The following IL1RAPL2 variants were observed in gnomAD, a reference collection of about 807,000 sequenced individuals.
The protein encoded by IL1RAPL2 is interleukin 1 receptor accessory protein like 2, also known as X-linked interleukin-1 receptor accessory protein-like 2.
Under a neutral mutation model 44.1 loss-of-function variants are expected in IL1RAPL2, and 3 were observed. The ratio of observed to expected loss-of-function variants is 0.07; its 90% CI spans 0.03 to 0.18. IL1RAPL2 has a LOEUF of 0.18. Among genes scored for constraint, IL1RAPL2 ranks in the 10% least tolerant of loss-of-function variants. The probability of loss-of-function intolerance (pLI) is 1.00; values close to 1 mark genes in which losing one functional copy is unlikely to be tolerated. For missense variants in IL1RAPL2, 391 were observed against 496.4 expected (o/e 0.79, Z 2.02); for synonymous variants, 181 against 178.8 (o/e 1.01, Z -0.10).
chrX:105,586,726 G>T (rs1432903261), intron 6 of IL1RAPL2, among the ~76,000 whole-genome samples: 1 of 111,794 alleles, frequency 8.9e-6, no homozygotes, highest in African/African-American at 3.2e-5. Context: ...TTCTTTTTTT[G>T]CTTCATATAG....
chrX:105,146,262 C>T lies in IL1RAPL2; in HGVS notation c.83-49213C>T, dbSNP rs148960141. Among the ~76,000 whole-genome samples the T allele has an allele frequency of 4.7e-3, 529 of 111,678 alleles. 6 individuals are homozygous for T. The highest frequency in any genetic ancestry group is 0.016 in the African/African-American group (484 of 30,771). On this transcript the variant is annotated intron_variant, in intron 2 of 10. Transcript: ENST00000372582. ...CCAGGGGGTTCTATTCCCATTCCTACTGACCTTATGCCATATTCTTCTGGC... is the reference window on the plus strand; with the variant it reads ...CCAGGGGGTTCTATTCCCATTCCTATTGACCTTATGCCATATTCTTCTGGC...
intron 2 of IL1RAPL2, among the ~76,000 whole-genome samples, chrX:104,759,999 A>G (rs925329817): frequency 9.0e-6 from 1 of 111,562 alleles, no homozygotes; most frequent in African/African-American, 3.3e-5. Context: ...GTCCATGAGG[A>G]CAATGGTTTT....
chrX:105,210,604 A>T (rs955881270), intron 3 of IL1RAPL2, among the ~76,000 whole-genome samples: 1 of 111,644 alleles, frequency 9.0e-6, no homozygotes, highest in Non-Finnish European at 1.9e-5. Flanking sequence ...ATAAAAAAGC[A>T]TATGGCCCCA....
rs751080137 is a variant in IL1RAPL2 at position 105,325,399 on chromosome X, ATATAC to A, written c.697+57863_697+57867del. On this transcript the variant is annotated intron_variant, in intron 5 of 10. Transcript: ENST00000372582. The stretch of plus-strand genomic sequence containing the variant: ...ATTGCATTTTTATTGCAAAGTATAG[ATATAC>A]TATATTTTATTTTCCCATTCACCAA... Among the ~76,000 whole-genome samples the A allele has an allele frequency of 1.8e-5, 2 of 109,506 alleles. 1 individual carries two copies. The highest frequency in any genetic ancestry group is 7.7e-4 in the South Asian group (2 of 2,609).
chrX:104,731,427 A>T (rs1253998805), intron 2 of IL1RAPL2, among the ~76,000 whole-genome samples: 1 of 106,516 alleles, frequency 9.4e-6, no homozygotes, highest in Non-Finnish European at 1.9e-5. Context: ...TTTGGGATGG[A>T]GTCTCACTCC....
intron 6 of IL1RAPL2, among the ~76,000 whole-genome samples, chrX:105,574,014 G>C (rs2037033345): frequency 9.0e-6 from 1 of 111,356 alleles, no homozygotes; most frequent in Non-Finnish European, 1.9e-5. Flanking sequence ...TATTGAAAAG[G>C]AGTTGCCCTT....
chrX:105,583,139 G>GTTTGT (rs1556359110), intron 6 of IL1RAPL2, among the ~76,000 whole-genome samples: 1 of 97,930 alleles, frequency 1.0e-5, no homozygotes, highest in Non-Finnish European at 2.1e-5. Context: ...AATTTTTTTT[G>GTTTGT]TTTTTTTTTT....
intron 2 of IL1RAPL2, among the ~76,000 whole-genome samples, chrX:105,079,008 G>A (rs755388913): frequency 1.5e-4 from 17 of 112,179 alleles, no homozygotes; most frequent in African/African-American, 2.9e-4. Context: ...GCCCTGCTTC[G>A]GCTCACACAC....
intron 2 of IL1RAPL2, among the ~76,000 whole-genome samples, chrX:104,755,740 C>T (rs1173943214): frequency 3.6e-5 from 4 of 110,122 alleles, no homozygotes; most frequent in Non-Finnish European, 7.6e-5. Context: ...CCCCTAAGTC[C>T]CCCCAAAACT....
intron 6 of IL1RAPL2, among the ~76,000 whole-genome samples, chrX:105,497,509 G>A (rs1490362728): frequency 2.7e-5 from 3 of 111,734 alleles, no homozygotes; most frequent in East Asian, 5.6e-4. Flanking sequence ...AATAACTAAA[G>A]AAGAATTAAT....
intron 2 of IL1RAPL2, among the ~76,000 whole-genome samples, chrX:105,033,324 G>C (rs957259775): frequency 9.0e-6 from 1 of 111,634 alleles, no homozygotes; most frequent in African/African-American, 3.3e-5. Flanking sequence ...AGCCTTGATG[G>C]TCTTTACATT....
intron 2 of IL1RAPL2, among the ~76,000 whole-genome samples, chrX:105,005,882 C>A (rs929541810): frequency 3.6e-5 from 4 of 110,752 alleles, no homozygotes; most frequent in African/African-American, 1.3e-4. Flanking sequence ...CAATATTATT[C>A]TTTTAAAGTA....
intron 2 of IL1RAPL2, among the ~76,000 whole-genome samples, chrX:105,194,519 T>C (rs1325613515): frequency 1.8e-5 from 2 of 112,010 alleles, no homozygotes; most frequent in Admixed American, 1.9e-4. Context: ...TTAACCGTTC[T>C]GGAAAATAAG....
chrX:104,746,047 C>T (rs1360535712), intron 2 of IL1RAPL2, among the ~76,000 whole-genome samples: 4 of 111,391 alleles, frequency 3.6e-5, no homozygotes, highest in Non-Finnish European at 7.6e-5. Context: ...TATCGACTTC[C>T]AAGTTTGTAA....
chrX:105,028,609 T>A (rs1342705168), intron 2 of IL1RAPL2, among the ~76,000 whole-genome samples: 1 of 111,216 alleles, frequency 9.0e-6, no homozygotes, highest in Non-Finnish European at 1.9e-5. Context: ...TCATGCATAG[T>A]GGGTTGTATT....
intron 2 of IL1RAPL2, among the ~76,000 whole-genome samples, chrX:105,053,204 G>GA (rs1367339799): frequency 2.7e-5 from 3 of 110,858 alleles, no homozygotes; most frequent in African/African-American, 6.6e-5. Context: ...ATCATTTAGA[G>GA]AAAAAAAGCT....
At chrX:104,677,662 A>C (rs1432154266) in intron 2 of IL1RAPL2, among the ~76,000 whole-genome samples, 1 of 112,300 alleles carries the variant, frequency 8.9e-6, no homozygotes, top group Non-Finnish European at 1.9e-5. Flanking sequence ...TTACCTAATC[A>C]AGCCTAGGCA....
In IL1RAPL2 at chrX:105,645,306, A is replaced by T. The variant is rs751161629; in HGVS notation, c.773-72061A>T. Among the ~76,000 whole-genome samples, 47 of 111,554 alleles carry T rather than the reference A, an allele frequency of 4.2e-4. 1 individual carries two copies. The South Asian group carries it at 0.017, about 41-fold the overall frequency. On this transcript the variant is annotated intron_variant, in intron 6 of 10. Coordinates refer to ENST00000372582, the MANE Select transcript of IL1RAPL2 (RefSeq NM_017416.2). The stretch of plus-strand genomic sequence containing the variant: ...TGGGCCCAGCCTCCAACCTGCCATA[A>T]CAATTTCCTTCTCCCAATACACTGT...
chrX:105,515,348 G>A (rs1049398379), intron 6 of IL1RAPL2, among the ~76,000 whole-genome samples: 1 of 111,859 alleles, frequency 8.9e-6, no homozygotes, highest in Non-Finnish European at 1.9e-5. Context: ...ATGTAATTTC[G>A]GGTGATTCAT....
Sources: gnomAD v4.1 joint callset for allele counts (sites outside exome capture counted in the v4.1 genomes callset) on GRCh38, gnomAD v4.1.1 for gene constraint, MANE v1.5 for transcripts, NCBI Gene and HGNC (gene_info 2026-07-23, HGNC 2026-07-21) for gene names.